Variants in KLHL3 observed in about 807,000 individuals in gnomAD.
KLHL3 encodes kelch like family member 3.
Under a neutral mutation model 70.5 loss-of-function variants are expected in KLHL3, and 19 were observed. The observed-to-expected ratio is 0.27, with a 90% CI of 0.19 to 0.40. The LOEUF (loss-of-function observed/expected upper bound fraction) is 0.40, where lower values mean the gene tolerates loss of function less well. KLHL3 is among the 10% of genes least tolerant of loss of function. The pLI, the probability that KLHL3 is intolerant of heterozygous loss-of-function variation, is 1.00. For synonymous variants in KLHL3, 258 were observed against 290.3 expected (o/e 0.89, Z 1.13); for missense variants, 512 against 771.1 (o/e 0.66, Z 3.98).
intron 3 of KLHL3, among the ~76,000 whole-genome samples, chr5:137,702,455 C>T (rs1455657404): frequency 1.4e-4 from 21 of 152,132 alleles, no homozygotes. Context: ...GGAACCATAA[C>T]AAGTTCAGTC....
In KLHL3 at chr5:137,710,069, T is replaced by C. The variant is rs187224781; in HGVS notation, c.135-213A>G. 1.4e-3 allele frequency among the ~76,000 whole-genome samples: 208 copies of C among 152,320 alleles called. 5 individuals carry two copies. The Middle Eastern group carries it at 0.024, about 17-fold the overall frequency. On this transcript the variant is annotated intron_variant, in intron 2 of 14. Coordinates refer to ENST00000309755, the MANE Select transcript of KLHL3 (RefSeq NM_017415.3). ...GACATTCATGCTTTCCTAAGGTCCA[T>C]GGAGAGATCCAACTACTCTGTGGCT...
intron 6 of KLHL3, among the ~76,000 whole-genome samples, chr5:137,666,417 G>A (rs1200226919): frequency 6.6e-6 from 1 of 152,170 alleles, no homozygotes. Flanking sequence ...AAGTGTACCA[G>A]CTCTGTCTCT....
chr5:137,625,164 C>G (rs534030534), intron 14 of KLHL3, among the ~76,000 whole-genome samples: 1 of 152,384 alleles, frequency 6.6e-6, no homozygotes, highest in South Asian at 2.1e-4. Context: ...TGCCCCATGG[C>G]ACGGGGCCAG....
At chr5:137,660,322 G>T (rs746310031) in intron 7 of KLHL3, among the ~76,000 whole-genome samples, 5 of 152,166 alleles carry the variant, frequency 3.3e-5, no homozygotes, top group African/African-American at 4.8e-5. Flanking sequence ...GGCCACTTTA[G>T]CTTTCTCTGG....
intron 10 of KLHL3, among the ~76,000 whole-genome samples, chr5:137,637,705 C>T (rs1011500588): frequency 6.6e-6 from 1 of 152,178 alleles, no homozygotes; most frequent in Non-Finnish European, 1.5e-5. Flanking sequence ...AAGTAGTCAC[C>T]TGAGGTAGCC....
rs1170112144 is a variant in KLHL3 at position 137,680,546 on chromosome 5, C to CT, written c.527-2893dup. On this transcript the variant is annotated intron_variant, in intron 5 of 14. Coordinates refer to ENST00000309755, the MANE Select transcript of KLHL3 (RefSeq NM_017415.3). ...AGTTCTGTGAGCAGCAACACTTTTTCTTTTTTTTTTTTTTTGAGACAGAGT... is the reference window on the plus strand; with the variant it reads ...AGTTCTGTGAGCAGCAACACTTTTTCTTTTTTTTTTTTTTTTGAGACAGAGT... Among the ~76,000 whole-genome samples the CT allele has an allele frequency of 4.8e-3, 677 of 140,402 alleles. 12 individuals are homozygous for CT. In the East Asian group the frequency reaches 0.056, roughly 12 times the overall value. 92.1% of individuals were successfully genotyped at this position (140,402 alleles called of 152,430 possible).
intron 8 of KLHL3, among the ~76,000 whole-genome samples, chr5:137,642,725 A>C (rs1314359867): frequency 6.6e-6 from 1 of 152,246 alleles, no homozygotes; most frequent in African/African-American, 2.4e-5. Flanking sequence ...ATGTTGGAAC[A>C]CCAGGTTAAA....
chr5:137,709,683 C>G (rs1580779404), intron 3 of KLHL3, 67 bp downstream of exon 3: 1 of 1,263,076 alleles, frequency 7.9e-7, no homozygotes, highest in East Asian at 2.3e-5. Flanking sequence ...CATGTCACCA[C>G]CCCCAACATT....
chr5:137,702,958 C>A (rs913906102), intron 3 of KLHL3, among the ~76,000 whole-genome samples: 1 of 152,020 alleles, frequency 6.6e-6, no homozygotes, highest in Non-Finnish European at 1.5e-5. Flanking sequence ...CAAAGAAGAG[C>A]AAGAGGGAGA....
intron 11 of KLHL3, among the ~76,000 whole-genome samples, chr5:137,635,513 C>T (rs1389639363): frequency 1.3e-5 from 2 of 152,158 alleles, no homozygotes; most frequent in South Asian, 4.1e-4. Context: ...CAGCCAGTAG[C>T]AAATTATTGT....
chr5:137,716,895 G>A (rs1008837366), intron 2 of KLHL3, among the ~76,000 whole-genome samples: 2 of 152,136 alleles, frequency 1.3e-5, no homozygotes, highest in African/African-American at 4.8e-5. Context: ...ACCAAGAGAG[G>A]GGGTCTAACC....
intron 6 of KLHL3, among the ~76,000 whole-genome samples, chr5:137,676,283 A>G (rs1045405844): frequency 1.4e-4 from 21 of 152,262 alleles, no homozygotes; most frequent in Non-Finnish European, 3.1e-4. Context: ...TGGACGTGTG[A>G]ATACAATTTC....
chr5:137,626,014 C>G, intron 13 of KLHL3, 118 bp from the exon 14 acceptor site: 1 of 1,247,716 alleles, frequency 8.0e-7, no homozygotes, highest in Non-Finnish European at 1.1e-6. Context: ...CATGGCAATA[C>G]AACAGAGATT....
Position 137,639,566 on chromosome 5 carries a change from C to A in KLHL3, c.1021+294G>T, listed in dbSNP as rs1351027418. 6.6e-6 allele frequency among the ~76,000 whole-genome samples: 1 copy of A among 151,858 alleles called. No homozygotes were observed. The highest frequency in any genetic ancestry group is 2.4e-5 in the African/African-American group (1 of 41,330). On this transcript the variant is annotated intron_variant, in intron 9 of 14. Transcript: ENST00000309755. This position sits in a 1 kb window ranked among gnomAD's most constrained non-coding sequence, Gnocchi z 5.0. Reference sequence around the variant, plus strand: ...AAAATTAGCTGGGCATGGTGGTGCACGCCTGTAATCCCAGCTACTTGGAAG... The same window carrying A: ...AAAATTAGCTGGGCATGGTGGTGCAAGCCTGTAATCCCAGCTACTTGGAAG...
At chr5:137,681,377 A>G (rs572011606) in intron 5 of KLHL3, among the ~76,000 whole-genome samples, 1 of 152,348 alleles carries the variant, frequency 6.6e-6, no homozygotes, top group South Asian at 2.1e-4. Context: ...CAAGGCATCA[A>G]TAACTCCATC....
chr5:137,692,265 G>T lies in KLHL3; in HGVS notation c.526+20C>A. Reference sequence around the variant, plus strand: ...GATCCACAAACTCGGAGGAGGTGCAGCAGTCCGGCTCCCCCTTACCTGCGT... The same window carrying T: ...GATCCACAAACTCGGAGGAGGTGCATCAGTCCGGCTCCCCCTTACCTGCGT... On this transcript the variant is annotated intron_variant, in intron 5 of 14. Coordinates refer to ENST00000309755, the MANE Select transcript of KLHL3 (RefSeq NM_017415.3). The T allele has an allele frequency of 6.2e-7, 1 of 1,603,608 alleles. No homozygotes were observed. Among genetic ancestry groups the T allele is most frequent in the South Asian group, 1.1e-5 (1 of 89,704 alleles).
intron 6 of KLHL3, among the ~76,000 whole-genome samples, chr5:137,675,131 T>C (rs898026773): frequency 1.3e-5 from 2 of 152,234 alleles, no homozygotes; most frequent in South Asian, 4.1e-4. Context: ...TGAAGTTACA[T>C]ATAAGTTCCA....
chr5:137,712,195 A>G (rs1752807282), intron 2 of KLHL3, among the ~76,000 whole-genome samples: 2 of 148,986 alleles, frequency 1.3e-5, no homozygotes, highest in South Asian at 2.1e-4. Flanking sequence ...GTAACCGGTT[A>G]TATTTTTTGG....
intron 8 of KLHL3, among the ~76,000 whole-genome samples, chr5:137,641,343 G>T (rs1750910074): frequency 6.6e-6 from 1 of 152,172 alleles, no homozygotes; most frequent in African/African-American, 2.4e-5. Flanking sequence ...ACAAGCTGCT[G>T]GGCCCTATCC....
Sources: allele counts gnomAD v4.1 joint callset (sites outside exome capture counted in the v4.1 genomes callset), GRCh38; gene constraint gnomAD v4.1.1; non-coding constraint Gnocchi (gnomAD v3.1); transcripts MANE v1.5; gene names NCBI Gene and HGNC (gene_info 2026-07-23, HGNC 2026-07-21).